SHB: variants seen among roughly 807,000 people sequenced by gnomAD.
SHB encodes SH2 domain-containing adapter protein B.
Under a neutral mutation model 52.3 loss-of-function variants are expected in SHB, and 20 were observed. The observed-to-expected ratio is 0.38, with a 90% CI of 0.27 to 0.56. The LOEUF (loss-of-function observed/expected upper bound fraction) is 0.56, where lower values mean the gene tolerates loss of function less well. SHB is among the 20% of genes least tolerant of loss of function. The probability of loss-of-function intolerance (pLI) is 0.71; values close to 1 mark genes in which losing one functional copy is unlikely to be tolerated. For missense variants in SHB, 825 were observed against 723.3 expected (o/e 1.14, Z -1.61); for synonymous variants, 397 against 316.5 (o/e 1.25, Z -2.70).
intron 5 of SHB, among the ~76,000 whole-genome samples, chr9:37,933,904 G>A (rs2118479509): frequency 6.6e-6 from 1 of 152,350 alleles, no homozygotes; most frequent in Non-Finnish European, 1.5e-5. Context: ...TCTGCCCTGT[G>A]AAGGTCCCTC....
intron 4 of SHB, among the ~76,000 whole-genome samples, chr9:37,950,233 A>G (rs11789061): frequency 0.13 from 20,405 of 151,288 alleles, 1,451 homozygotes; most frequent in African/African-American, 0.19. Flanking sequence ...CATTGCATCC[A>G]GCCTGATTTT....
Position 37,925,443 on chromosome 9 carries a change from C to A in SHB, c.1347-5439G>T, listed in dbSNP as rs184232040. ...GCACACGCTTTTCAAATCAGAAAGTCTCCCCCAGGGAGGCCACAGGGAAGA... is the reference window on the plus strand; with the variant it reads ...GCACACGCTTTTCAAATCAGAAAGTATCCCCCAGGGAGGCCACAGGGAAGA... On this transcript the variant is annotated intron_variant, in intron 5 of 5. Coordinates refer to ENST00000377707, the MANE Select transcript of SHB (RefSeq NM_003028.3). Among the ~76,000 whole-genome samples the A allele has an allele frequency of 3.6e-4, 55 of 152,334 alleles. 1 individual carries two copies. The highest frequency in any genetic ancestry group is 3.5e-3 in the Admixed American group (54 of 15,304).
chr9:38,041,459 T>C (rs1821575342), intron 1 of SHB, among the ~76,000 whole-genome samples: 1 of 152,144 alleles, frequency 6.6e-6, no homozygotes, highest in African/African-American at 2.4e-5. Flanking sequence ...TTTTGCCAAC[T>C]AGCAGGATCT....
rs2118077557 is a variant in SHB, at chr9:38,016,029, C to T, written c.820G>A (p.Ala274Thr). 6.2e-7 allele frequency: 1 copy of T among 1,614,178 alleles called. No homozygotes were observed. Among genetic ancestry groups the T allele is most frequent in the East Asian group, 2.2e-5 (1 of 44,880 alleles). ...CACTTACCTGTCATGATCCTCTGTG[C>T]CTCATAGGGCTCCATGTAGCCAGCA... is the stretch of plus-strand genomic sequence containing the variant. ...ESAGYMEPYE[A>T]QRIMTEFQRQ... is the part of the protein sequence containing the mutation. Residue 274 changes from alanine to threonine, a missense_variant, in exon 2 of 6, where the codon GCA becomes ACA. Physicochemically the swap from Ala to Thr is moderately conservative, Grantham distance 58. Coordinates refer to ENST00000377707, the MANE Select transcript of SHB (RefSeq NM_003028.3).
At chr9:37,952,923 A>G (rs1166584991) in intron 4 of SHB, among the ~76,000 whole-genome samples, 1 of 152,014 alleles carries the variant, frequency 6.6e-6, no homozygotes, top group Non-Finnish European at 1.5e-5. Context: ...AGGAGTCAGG[A>G]GCTCTGGGAG....
At chr9:37,955,291 C>T (rs189914481) in intron 4 of SHB, among the ~76,000 whole-genome samples, 1 of 152,208 alleles carries the variant, frequency 6.6e-6, no homozygotes, top group Admixed American at 6.5e-5. Context: ...GTAAGGGTGG[C>T]AACACAGTGT....
chr9:38,014,158 C>T (rs148799711), intron 2 of SHB, among the ~76,000 whole-genome samples: 2 of 152,188 alleles, frequency 1.3e-5, no homozygotes, highest in African/African-American at 2.4e-5. Context: ...CTGTCCCCCC[C>T]GCCCCAACCT....
intron 1 of SHB, among the ~76,000 whole-genome samples, chr9:38,026,833 A>G (rs1215107904): frequency 6.6e-6 from 1 of 152,184 alleles, no homozygotes. Context: ...GATGGTGTTT[A>G]TCGCTGTTCA....
chr9:37,950,334 C>A (rs1223216066), intron 4 of SHB, among the ~76,000 whole-genome samples: 1 of 151,708 alleles, frequency 6.6e-6, no homozygotes, highest in East Asian at 1.9e-4. Context: ...GGTGTGATCA[C>A]GGCTCACTGC....
chr9:38,015,105 C>G (rs1187695606), intron 2 of SHB, among the ~76,000 whole-genome samples: 1 of 152,244 alleles, frequency 6.6e-6, no homozygotes, highest in Non-Finnish European at 1.5e-5. Context: ...CCCAGCCACT[C>G]TCCTGCACCC....
intron 5 of SHB, among the ~76,000 whole-genome samples, chr9:37,938,241 C>G (rs1044616248): frequency 6.6e-6 from 1 of 152,182 alleles, no homozygotes; most frequent in African/African-American, 2.4e-5. Flanking sequence ...AAGTGACTCA[C>G]TGGTGACCTC....
intron 4 of SHB, among the ~76,000 whole-genome samples, chr9:37,953,793 T>A (rs573660456): frequency 2.6e-5 from 4 of 152,190 alleles, no homozygotes; most frequent in Non-Finnish European, 5.9e-5. Context: ...ACTGGGGTCA[T>A]CAGGCTCTAA....
At chr9:38,037,908 G>A (rs1014564599) in intron 1 of SHB, among the ~76,000 whole-genome samples, 2 of 152,176 alleles carry the variant, frequency 1.3e-5, no homozygotes, top group Admixed American at 6.5e-5. Flanking sequence ...GCTAGAAGAG[G>A]AGCTAAAAAG....
chr9:37,990,004 C>T (rs1820863008), intron 2 of SHB, among the ~76,000 whole-genome samples: 1 of 152,126 alleles, frequency 6.6e-6, no homozygotes, highest in African/African-American at 2.4e-5. Context: ...CTGGAAGAAA[C>T]GAGAATAGCC....
At chr9:38,045,119 C>G (rs1182827495) in intron 1 of SHB, among the ~76,000 whole-genome samples, 1 of 152,154 alleles carries the variant, frequency 6.6e-6, no homozygotes, top group African/African-American at 2.4e-5. Flanking sequence ...GAAGCCTTTC[C>G]AAGAGGTAAG....
chr9:37,979,555 G>A (rs1820696621), intron 2 of SHB, among the ~76,000 whole-genome samples: 1 of 151,054 alleles, frequency 6.6e-6, no homozygotes. Flanking sequence ...GGGTTTAAAA[G>A]ATTGCCCAGT....
At chr9:37,931,325 T>A (rs1832308648) in intron 5 of SHB, among the ~76,000 whole-genome samples, 1 of 152,156 alleles carries the variant, frequency 6.6e-6, no homozygotes, top group South Asian at 2.1e-4. Flanking sequence ...AAAAAATATT[T>A]GCAAACCATG....
intron 5 of SHB, among the ~76,000 whole-genome samples, chr9:37,937,747 A>G (rs1832390269): frequency 6.6e-6 from 1 of 152,240 alleles, no homozygotes; most frequent in Non-Finnish European, 1.5e-5. Context: ...TCAAGGACTG[A>G]CAATGTCTGT....
intron 1 of SHB, among the ~76,000 whole-genome samples, chr9:38,055,679 C>T (rs953091850): frequency 2.0e-5 from 3 of 152,170 alleles, no homozygotes; most frequent in Non-Finnish European, 4.4e-5. Context: ...CCTGGGCTCT[C>T]AGCTAGAGCA....
Sources: allele counts gnomAD v4.1 joint callset (sites outside exome capture counted in the v4.1 genomes callset), GRCh38; gene constraint gnomAD v4.1.1; transcripts MANE v1.5; gene names NCBI Gene and HGNC (gene_info 2026-07-23, HGNC 2026-07-21).